TMEM131: variants seen among roughly 807,000 people sequenced by gnomAD.
The protein encoded by TMEM131 is transmembrane protein 131.
In TMEM131, 66 loss-of-function variants were observed where a neutral mutation model predicts 211.6. The observed-to-expected ratio is 0.31, with a 90% CI of 0.26 to 0.38. The LOEUF is 0.38. Among genes scored for constraint, TMEM131 ranks in the 10% least tolerant of loss-of-function variants. The pLI is 1.00. For synonymous variants in TMEM131, 844 were observed against 841.3 expected (o/e 1.00, Z -0.06); for missense variants, 2,036 against 2,299.3 (o/e 0.89, Z 2.34).
At chr2:97,805,239 T>C in intron 21 of TMEM131, 34 bp from the exon 22 acceptor site, 19 of 1,589,174 alleles carry the variant, frequency 1.2e-5, no homozygotes, top group Non-Finnish European at 1.5e-5. Context: ...CCTGCATCTA[T>C]ACTCACTTGT....
chr2:97,983,581 A>G (rs577158266), intron 1 of TMEM131, among the ~76,000 whole-genome samples: 4 of 152,160 alleles, frequency 2.6e-5, no homozygotes, highest in African/African-American at 9.7e-5. Context: ...CAGTAACAAC[A>G]TGAACCTGTG....
chr2:97,854,295 C>T (rs1559403042), intron 5 of TMEM131, among the ~76,000 whole-genome samples: 1 of 152,130 alleles, frequency 6.6e-6, no homozygotes, highest in Non-Finnish European at 1.5e-5. Context: ...TTTTTAGACA[C>T]AATGCTACTG....
rs771832865 is a variant in TMEM131 at position 97,879,796 on chromosome 2, C to CA, written c.359+8255dup. ...CAGTACATATAATGCCTATTACATA[C>CA]AAAATACATGTTAACTGACTGCTTA... On this transcript the variant is annotated intron_variant, in intron 4 of 40. Transcript: ENST00000186436. 2.6e-5 allele frequency among the ~76,000 whole-genome samples: 4 copies of CA among 152,242 alleles called. No individual in the cohort carries two copies. In the East Asian group the frequency reaches 7.7e-4, roughly 29 times the overall value.
At chr2:97,768,416 T>A (rs1679293538) in intron 33 of TMEM131, among the ~76,000 whole-genome samples, 1 of 152,216 alleles carries the variant, frequency 6.6e-6, no homozygotes, top group African/African-American at 2.4e-5. Context: ...GGGTAGCTAT[T>A]TATACAAAAC....
intron 5 of TMEM131, 142 bp downstream of exon 5, chr2:97,859,159 AATC>A: frequency 1.2e-6 from 1 of 823,688 alleles, no homozygotes; most frequent in Non-Finnish European, 1.8e-6. Context: ...GGGTAGAAGT[AATC>A]ATTCTTAGGA....
At chr2:97,882,636 C>T (rs1243440069) in intron 4 of TMEM131, among the ~76,000 whole-genome samples, 1 of 152,340 alleles carries the variant, frequency 6.6e-6, no homozygotes, top group Admixed American at 6.5e-5. Context: ...CCCTTACTGA[C>T]TCCCTGGCCC....
Position 97,781,900 on chromosome 2 carries a change from A to G in TMEM131, c.4145-5882T>C, listed in dbSNP as rs191627535. On this transcript the variant is annotated intron_variant, in intron 31 of 40. Coordinates refer to ENST00000186436, the MANE Select transcript of TMEM131 (RefSeq NM_015348.2). ...GGAAAGGGGCAGCCCAGCAAGACAA[A>G]GGCTCCAGGCCAACACCACGGTAAG... 1.3e-3 allele frequency among the ~76,000 whole-genome samples: 201 copies of G among 152,332 alleles called. 1 individual carries two copies. The highest frequency in any genetic ancestry group is 4.6e-3 in the African/African-American group (191 of 41,584).
intron 3 of TMEM131, among the ~76,000 whole-genome samples, chr2:97,907,963 T>C (rs1215882529): frequency 2.0e-5 from 3 of 152,150 alleles, no homozygotes; most frequent in Admixed American, 2.0e-4. Flanking sequence ...CATTAAGGGC[T>C]GGGAGTGAAC....
chr2:97,977,169 T>C (rs574448460), intron 1 of TMEM131, among the ~76,000 whole-genome samples: 5 of 152,268 alleles, frequency 3.3e-5, no homozygotes, highest in South Asian at 4.1e-4. Context: ...ATTGGTAAAG[T>C]TGATTCAATC....
intron 1 of TMEM131, among the ~76,000 whole-genome samples, chr2:97,963,463 C>A (rs985473711): frequency 4.6e-5 from 7 of 152,022 alleles, no homozygotes; most frequent in African/African-American, 1.7e-4. Context: ...GCCTGTAATC[C>A]CAGAATTTTG....
At chr2:97,892,237 G>T (rs971640653) in intron 3 of TMEM131, among the ~76,000 whole-genome samples, 5 of 152,096 alleles carry the variant, frequency 3.3e-5, no homozygotes, top group African/African-American at 1.2e-4. Flanking sequence ...TTATTCAGTT[G>T]TAAGAGTTCT....
At chr2:97,810,569 T>A (rs1014200940) in intron 18 of TMEM131, among the ~76,000 whole-genome samples, 2 of 152,206 alleles carry the variant, frequency 1.3e-5, no homozygotes, top group African/African-American at 4.8e-5. Context: ...AGATATACAA[T>A]TAAAAACATT....
At chr2:97,943,049 G>GAA in intron 1 of TMEM131, among the ~76,000 whole-genome samples, 1 of 53,512 alleles carries the variant, frequency 1.9e-5, no homozygotes, top group Non-Finnish European at 4.2e-5. Context: ...AAGAAAGAAA[G>GAA]AAAGAAAGAA....
chr2:97,773,181 T>C (rs1049192093), intron 32 of TMEM131, among the ~76,000 whole-genome samples: 15 of 152,242 alleles, frequency 9.9e-5, no homozygotes, highest in African/African-American at 3.6e-4. Flanking sequence ...CATGCTCGCC[T>C]GCCTGCGATT....
chr2:97,957,960 G>C (rs1157479880), intron 1 of TMEM131, among the ~76,000 whole-genome samples: 1 of 152,196 alleles, frequency 6.6e-6, no homozygotes, highest in Non-Finnish European at 1.5e-5. Context: ...CAAGTACTGG[G>C]TGCTCCAGGT....
chr2:97,934,377 T>G (rs931776032), intron 1 of TMEM131, among the ~76,000 whole-genome samples: 6 of 151,962 alleles, frequency 3.9e-5, no homozygotes, highest in African/African-American at 1.4e-4. Flanking sequence ...TCAAAGAAGA[T>G]CTACATAAAC....
intron 17 of TMEM131, among the ~76,000 whole-genome samples, chr2:97,811,882 G>T (rs1253893045): frequency 6.6e-6 from 1 of 152,072 alleles, no homozygotes; most frequent in Admixed American, 6.6e-5. Flanking sequence ...TTCAGTACTG[G>T]TGAGTGCTGA....
intron 19 of TMEM131, 38 bp downstream of exon 19, chr2:97,809,650 A>G: frequency 6.6e-7 from 1 of 1,505,262 alleles, no homozygotes; most frequent in South Asian, 1.2e-5. Flanking sequence ...AAAGGCAAAA[A>G]ACGAGCAATA....
chr2:97,782,605 C>G (rs1229442812), intron 31 of TMEM131, among the ~76,000 whole-genome samples: 1 of 152,064 alleles, frequency 6.6e-6, no homozygotes, highest in Non-Finnish European at 1.5e-5. Flanking sequence ...TATGAACATG[C>G]TTGAAACAAC....
Sources: gnomAD v4.1 joint callset for allele counts (sites outside exome capture counted in the v4.1 genomes callset) on GRCh38, gnomAD v4.1.1 for gene constraint, MANE v1.5 for transcripts, NCBI Gene and HGNC (gene_info 2026-07-23, HGNC 2026-07-21) for gene names.